Variants in ARHGAP29 observed in about 807,000 individuals in gnomAD.
The protein encoded by ARHGAP29 is rho GTPase-activating protein 29.
In ARHGAP29, 43 loss-of-function variants were observed where a neutral mutation model predicts 122.6. The ratio of observed to expected loss-of-function variants is 0.35; its 90% CI spans 0.27 to 0.45. The LOEUF is 0.45. Ranked by LOEUF, ARHGAP29 falls within the 20% of genes least tolerant of loss-of-function variation. The pLI is 1.00. For synonymous variants in ARHGAP29, 506 were observed against 497.1 expected, an observed-to-expected ratio of 1.02 and a Z score of -0.24; for missense variants, 1,303 against 1,477.2, an observed-to-expected ratio of 0.88 and a Z score of 1.93.
Position 94,251,592 on chromosome 1 carries a change from A to G in ARHGAP29, c.-32-19949T>C, listed in dbSNP as rs144450697. The stretch of plus-strand genomic sequence containing the variant: ...ATTAGGAAATGACTCCTCTTATTCT[A>G]CCTCTGCGTCTCTGTCCTTCTTGCT... On this transcript the variant is annotated intron_variant and NMD_transcript_variant, in intron 1 of 25. Coordinates refer to the ARHGAP29 transcript ENST00000552844. Among the ~76,000 whole-genome samples the G allele has an allele frequency of 6.1e-3, 931 of 152,232 alleles. 5 individuals carry two copies. The highest frequency in any genetic ancestry group is 0.022 in the African/African-American group (901 of 41,540).
the ARHGAP29 span, among the ~76,000 whole-genome samples, chr1:94,297,555 T>C: frequency 0.011 from 1,628 of 152,270 alleles, 28 homozygotes; most frequent in African/African-American, 0.037. Flanking sequence ...TTCTTTTTTC[T>C]TAGTAGTGCC....
At chr1:94,276,303 C>T (rs755680260), upstream of ARHGAP29, among the ~76,000 whole-genome samples, 1 of 151,774 alleles carries the variant, frequency 6.6e-6, no homozygotes, top group Non-Finnish European at 1.5e-5. Flanking sequence ...TAAGTTATTG[C>T]TTAACTTCAG....
At chr1:94,185,269 A>C in intron 17 of ARHGAP29, 73 bp downstream of exon 17, 4 of 1,460,650 alleles carry the variant, frequency 2.7e-6, no homozygotes, top group Non-Finnish European at 3.6e-6. Flanking sequence ...AGATCCTAAA[A>C]AGTAAAATTA....
intron 1 of ARHGAP29, among the ~76,000 whole-genome samples, chr1:94,247,541 C>G (rs1437323915): frequency 6.6e-6 from 1 of 151,402 alleles, no homozygotes; most frequent in East Asian, 1.9e-4. Context: ...GCGGCCGAAG[C>G]GAGCGCCACC....
At chr1:94,192,018 C>T (rs1017698745) in intron 12 of ARHGAP29, 1 of 152,028 alleles carries the variant, frequency 6.6e-6, no homozygotes, top group Non-Finnish European at 1.5e-5. Flanking sequence ...AGTAAATGGC[C>T]TAAATGACTT....
At chr1:94,229,512 C>CA (rs1265532903) in intron 2 of ARHGAP29, among the ~76,000 whole-genome samples, 1 of 151,684 alleles carries the variant, frequency 6.6e-6, no homozygotes, top group East Asian at 1.9e-4. Flanking sequence ...ATTTCAAAGA[C>CA]AAAAAATCAA....
chr1:94,294,336 G>T, the ARHGAP29 span, among the ~76,000 whole-genome samples: 2 of 151,846 alleles, frequency 1.3e-5, no homozygotes, highest in Non-Finnish European at 2.9e-5. Context: ...TTTTTAGACA[G>T]AATCTTGCTT....
At chr1:94,180,651 G>A (rs1364461978) in intron 19 of ARHGAP29, among the ~76,000 whole-genome samples, 2 of 152,042 alleles carry the variant, frequency 1.3e-5, no homozygotes, top group African/African-American at 2.4e-5. Flanking sequence ...CCTAGAGAGG[G>A]GTAGCCTTGA....
At chr1:94,304,299 C>T in the ARHGAP29 span, among the ~76,000 whole-genome samples, 5 of 152,304 alleles carry the variant, frequency 3.3e-5, no homozygotes, top group East Asian at 3.9e-4. Flanking sequence ...ATTACCACGT[C>T]CTGCTAATTT....
the ARHGAP29 span, among the ~76,000 whole-genome samples, chr1:94,295,693 C>G: frequency 7.3e-6 from 1 of 137,672 alleles, no homozygotes; most frequent in Non-Finnish European, 1.6e-5. Context: ...AATACTTACT[C>G]TAATTCTAAT....
At chr1:94,215,080 G>A (rs1325779521) in intron 3 of ARHGAP29, among the ~76,000 whole-genome samples, 1 of 131,138 alleles carries the variant, frequency 7.6e-6, no homozygotes, top group Non-Finnish European at 1.6e-5. Flanking sequence ...ATTAAAAGAT[G>A]CAATGGAAGA....
intron 1 of ARHGAP29, among the ~76,000 whole-genome samples, chr1:94,260,327 C>T (rs1230494100): frequency 6.6e-6 from 1 of 152,170 alleles, no homozygotes; most frequent in East Asian, 1.9e-4. Flanking sequence ...TTCTCTTACC[C>T]CCAGAGGGGC....
At chr1:94,261,866 A>G (rs1225296318) in intron 1 of ARHGAP29, among the ~76,000 whole-genome samples, 2 of 152,216 alleles carry the variant, frequency 1.3e-5, no homozygotes, top group Non-Finnish European at 1.5e-5. Flanking sequence ...TTCTTATCAA[A>G]CTACTGATAA....
the ARHGAP29 span, among the ~76,000 whole-genome samples, chr1:94,313,238 C>T: frequency 6.6e-6 from 1 of 152,186 alleles, no homozygotes; most frequent in African/African-American, 2.4e-5. Flanking sequence ...GATGCTCTTC[C>T]CCCTAGTTAT....
intron 1 of ARHGAP29, among the ~76,000 whole-genome samples, chr1:94,251,271 C>G (rs1196383489): frequency 1.3e-5 from 2 of 151,348 alleles, no homozygotes; most frequent in African/African-American, 2.4e-5. Flanking sequence ...CCCGGGTTCA[C>G]GCCATTCTCC....
the ARHGAP29 span, among the ~76,000 whole-genome samples, chr1:94,293,424 C>T: frequency 6.6e-6 from 1 of 152,210 alleles, no homozygotes; most frequent in Non-Finnish European, 1.5e-5. Flanking sequence ...ATCCCCCGAC[C>T]CTTTGCACTT....
the ARHGAP29 span, among the ~76,000 whole-genome samples, chr1:94,295,089 T>G: frequency 4.6e-5 from 7 of 152,256 alleles, no homozygotes; most frequent in East Asian, 9.7e-4. Context: ...GAAATTGTAT[T>G]ACTAGGGGAA....
intron 3 of ARHGAP29, among the ~76,000 whole-genome samples, chr1:94,210,973 G>GA (rs1405225563): frequency 1.3e-4 from 20 of 150,544 alleles, no homozygotes; most frequent in African/African-American, 4.9e-4. Context: ...TTATAATTAT[G>GA]AAAGAGTTGA....
intron 1 of ARHGAP29, among the ~76,000 whole-genome samples, chr1:94,273,556 T>G (rs1048582069): frequency 1.2e-4 from 18 of 152,210 alleles, no homozygotes; most frequent in African/African-American, 2.4e-5. Context: ...TGCTGTGGCT[T>G]TTTGGTTTCA....
Sources: gnomAD v4.1 joint callset for allele counts (sites outside exome capture counted in the v4.1 genomes callset) on GRCh38, gnomAD v4.1.1 for gene constraint, MANE v1.5 for transcripts, NCBI Gene and HGNC (gene_info 2026-07-23, HGNC 2026-07-21) for gene names.